SPATA6: variants seen among roughly 807,000 people sequenced by gnomAD.
SPATA6 encodes the protein spermatogenesis associated 6.
In SPATA6, 56 loss-of-function variants were observed where a neutral mutation model predicts 65.3. The observed-to-expected ratio is 0.86, with a 90% CI of 0.69 to 1.07. SPATA6 has a LOEUF of 1.07. SPATA6 is among the 50% of genes least tolerant of loss of function. SPATA6 has a pLI of 0.00. For synonymous variants in SPATA6, 199 were observed against 213.2 expected, an observed-to-expected ratio of 0.93 and a Z score of 0.58; for missense variants, 590 against 594.8, an observed-to-expected ratio of 0.99 and a Z score of 0.08.
chr1:48,295,342 T>C (rs993491986), downstream of SPATA6: 1 of 152,158 alleles, frequency 6.6e-6, no homozygotes, highest in Non-Finnish European at 1.5e-5. Context: ...AACCAAAATA[T>C]CTATCAATTG....
At chr1:48,443,295 C>T (rs1469953110) in intron 3 of SPATA6, among the ~76,000 whole-genome samples, 7 of 152,292 alleles carry the variant, frequency 4.6e-5, no homozygotes, top group African/African-American at 1.2e-4. Context: ...CAGTGTAACA[C>T]GTATTATCCT....
intron 3 of SPATA6, among the ~76,000 whole-genome samples, chr1:48,425,379 C>A (rs1653739481): frequency 6.6e-6 from 1 of 152,058 alleles, no homozygotes; most frequent in Non-Finnish European, 1.5e-5. Flanking sequence ...CTTTTAGATG[C>A]TGCAAGTATT....
At chr1:48,363,620 AAG>A (rs767204307) in intron 9 of SPATA6, among the ~76,000 whole-genome samples, 3 of 152,188 alleles carry the variant, frequency 2.0e-5, no homozygotes, top group Non-Finnish European at 4.4e-5. Flanking sequence ...CATTTATGAA[AAG>A]AGTTTTTTTA....
At chr1:48,423,157 T>C (rs1241441668) in intron 3 of SPATA6, among the ~76,000 whole-genome samples, 3 of 152,116 alleles carry the variant, frequency 2.0e-5, no homozygotes, top group African/African-American at 7.2e-5. Flanking sequence ...TCAATGCTGA[T>C]AAAAAGTCAG....
chr1:48,469,783 TA>T (rs1266891109), intron 1 of SPATA6, among the ~76,000 whole-genome samples: 2 of 151,194 alleles, frequency 1.3e-5, no homozygotes, highest in Non-Finnish European at 2.9e-5. Flanking sequence ...GTTTAACTTT[TA>T]CGTCTGCTAG....
chr1:48,356,783 A>G (rs951750971), intron 10 of SPATA6, among the ~76,000 whole-genome samples: 9 of 152,134 alleles, frequency 5.9e-5, no homozygotes, highest in Admixed American at 2.0e-4. Flanking sequence ...GATTACAGGC[A>G]TGAGCCCAGT....
intron 11 of SPATA6, among the ~76,000 whole-genome samples, chr1:48,307,663 G>C (rs1461044067): frequency 1.3e-5 from 2 of 151,456 alleles, no homozygotes; most frequent in Admixed American, 1.3e-4. Context: ...TTTATCTTCT[G>C]TCTGTCCTAT....
intron 3 of SPATA6, among the ~76,000 whole-genome samples, chr1:48,442,526 A>C (rs1655593805): frequency 6.6e-6 from 1 of 151,794 alleles, no homozygotes; most frequent in African/African-American, 2.4e-5. Context: ...CAGAAAGGAG[A>C]GAGAAAGGGA....
the SPATA6 span, among the ~76,000 whole-genome samples, chr1:48,290,004 C>T: frequency 6.6e-6 from 1 of 152,098 alleles, no homozygotes; most frequent in Non-Finnish European, 1.5e-5. Flanking sequence ...AAGAAAACGC[C>T]ACAAAGATAC....
intron 3 of SPATA6, among the ~76,000 whole-genome samples, chr1:48,446,232 C>G (rs977029606): frequency 3.3e-5 from 5 of 152,154 alleles, no homozygotes; most frequent in African/African-American, 1.2e-4. Context: ...ACAGTCTGGG[C>G]TCACTGAAAA....
intron 11 of SPATA6, among the ~76,000 whole-genome samples, chr1:48,315,779 A>G (rs1557549246): frequency 6.6e-6 from 1 of 152,210 alleles, no homozygotes. Flanking sequence ...ATGATTGTAT[A>G]TCTAGAAAAC....
In SPATA6 at chr1:48,329,633, G is replaced by C. The variant is rs529092463; in HGVS notation, c.1195-23755C>G. Among the ~76,000 whole-genome samples, 43 of 152,328 alleles carry C rather than the reference G, an allele frequency of 2.8e-4. No individual in the cohort carries two copies. In the South Asian group the frequency reaches 8.3e-3, roughly 29 times the overall value. ...CTAGAAGCAGCTTGTGTGTGTCACT[G>C]TCATGGAAAGGAAACAAAAGGGCTG... On this transcript the variant is annotated intron_variant, in intron 11 of 12. Transcript: ENST00000371847.
At chr1:48,273,471 T>C in the SPATA6 span, among the ~76,000 whole-genome samples, 2 of 152,168 alleles carry the variant, frequency 1.3e-5, no homozygotes, top group African/African-American at 4.8e-5. Flanking sequence ...TAGATATTTC[T>C]TCTAATGCTA....
At position 48,441,445 on chromosome 1, in the gene SPATA6, G is replaced by A. The variant is rs754593381; in HGVS notation, c.238+10107C>T. 2.9e-4 allele frequency among the ~76,000 whole-genome samples: 44 copies of A among 152,166 alleles called. 1 individual carries two copies. The highest frequency in any genetic ancestry group is 6.2e-4 in the Non-Finnish European group (42 of 68,040). ...TCTTTTCACATGCCTTTCTTGTTAT[G>A]CCTGAAAGTCCCATACCCTTATTAA... On this transcript the variant is annotated intron_variant, in intron 3 of 12. Coordinates refer to ENST00000371847, the MANE Select transcript of SPATA6 (RefSeq NM_019073.4).
At chr1:48,328,537 A>G (rs1645829172) in intron 11 of SPATA6, among the ~76,000 whole-genome samples, 1 of 152,168 alleles carries the variant, frequency 6.6e-6, no homozygotes, top group Non-Finnish European at 1.5e-5. Context: ...TTCAATTTAT[A>G]TGAAATGTGC....
chr1:48,343,332 T>A (rs1018049086), intron 11 of SPATA6, among the ~76,000 whole-genome samples: 2 of 152,062 alleles, frequency 1.3e-5, no homozygotes, highest in Non-Finnish European at 2.9e-5. Context: ...AGTTCACAAT[T>A]ATCTAAAAAA....
chr1:48,437,327 G>A (rs1655031085), intron 3 of SPATA6: 1 of 1,504,574 alleles, frequency 6.6e-7, no homozygotes, highest in African/African-American at 1.4e-5. Context: ...TGAAAATACA[G>A]TTGGTGCACT....
chr1:48,468,135 TA>T (rs1417842594), intron 1 of SPATA6, among the ~76,000 whole-genome samples: 2 of 152,194 alleles, frequency 1.3e-5, no homozygotes, highest in Non-Finnish European at 2.9e-5. Context: ...TTATTCACCA[TA>T]CTCATGATAT....
intron 7 of SPATA6, among the ~76,000 whole-genome samples, chr1:48,397,126 ATTATAT>A (rs920842962): frequency 6.6e-6 from 1 of 151,686 alleles, no homozygotes; most frequent in Non-Finnish European, 1.5e-5. Context: ...ATGTTGTATA[ATTATAT>A]TTATATGAAA....
Sources: allele counts gnomAD v4.1 joint callset (sites outside exome capture counted in the v4.1 genomes callset), GRCh38; gene constraint gnomAD v4.1.1; transcripts MANE v1.5; gene names NCBI Gene and HGNC (gene_info 2026-07-23, HGNC 2026-07-21).